The following SLC25A36 variants were observed in gnomAD, a reference collection of about 807,000 sequenced individuals.
SLC25A36 encodes epididymis secretory sperm binding protein.
A neutral mutation model predicts 35.3 loss-of-function variants in SLC25A36; 24 were observed. That is an observed-to-expected ratio of 0.68 (90% CI 0.49 to 0.96). The LOEUF is 0.96. Ranked by LOEUF, SLC25A36 falls within the 40% of genes least tolerant of loss-of-function variation. The pLI is 0.00. For missense variants in SLC25A36, 294 were observed against 381.1 expected, an observed-to-expected ratio of 0.77 and a Z score of 1.90; for synonymous variants, 141 against 132.2, an observed-to-expected ratio of 1.07 and a Z score of -0.46.
chr3:140,950,881 A>G lies in SLC25A36; in HGVS notation c.42-5646A>G, dbSNP rs143638326. On this transcript the variant is annotated intron_variant, in intron 1 of 6. Transcript: ENST00000324194. ...TCTGCCTAGGAATGTAGTTTTATCC[A>G]GCGTGTGTGTGTGTGTCTCTGTGTG... is the stretch of plus-strand genomic sequence containing the variant. 3.2e-3 allele frequency among the ~76,000 whole-genome samples: 472 copies of G among 146,268 alleles called. 2 individuals carry two copies. The highest frequency in any genetic ancestry group is 0.012 in the African/African-American group (442 of 36,768).
intron 1 of SLC25A36, among the ~76,000 whole-genome samples, chr3:140,944,921 A>G (rs898316577): frequency 2.6e-5 from 4 of 152,182 alleles, no homozygotes; most frequent in African/African-American, 9.7e-5. Flanking sequence ...TTAAAAGTAT[A>G]ATTAATGTGA....
chr3:140,945,223 A>G (rs1280394290), intron 1 of SLC25A36, among the ~76,000 whole-genome samples: 1 of 152,190 alleles, frequency 6.6e-6, no homozygotes, highest in Non-Finnish European at 1.5e-5. Context: ...TAAAGGTACT[A>G]ATCCCAAATG....
At chr3:140,960,245 A>G (rs965804180) in intron 3 of SLC25A36, among the ~76,000 whole-genome samples, 4 of 152,178 alleles carry the variant, frequency 2.6e-5, no homozygotes, top group Admixed American at 6.5e-5. Context: ...TACTCCTGAT[A>G]TTTTGAGATA....
intron 1 of SLC25A36, among the ~76,000 whole-genome samples, chr3:140,949,281 TAA>T (rs1313853652): frequency 1.3e-5 from 2 of 152,190 alleles, no homozygotes; most frequent in African/African-American, 4.8e-5. Flanking sequence ...AGTTAAACTC[TAA>T]AAAGTTTGGC....
chr3:140,963,954 A>G (rs926840639), intron 4 of SLC25A36: 2 of 152,000 alleles, frequency 1.3e-5, no homozygotes, highest in Admixed American at 6.5e-5. Flanking sequence ...ATTTGCTGCT[A>G]TGCATGTTAG....
At chr3:140,950,667 G>T (rs183315992) in intron 1 of SLC25A36, among the ~76,000 whole-genome samples, 93 of 152,288 alleles carry the variant, frequency 6.1e-4, no homozygotes, top group African/African-American at 2.2e-3. Context: ...TAAGTAATCT[G>T]CAGTTGTCGA....
chr3:140,974,867 G>T (rs1264447341), intron 6 of SLC25A36, among the ~76,000 whole-genome samples: 1 of 152,094 alleles, frequency 6.6e-6, no homozygotes, highest in African/African-American at 2.4e-5. Flanking sequence ...CTTTAACCAG[G>T]TTGGACTATG....
At chr3:140,964,102 A>G (rs528434723) in intron 4 of SLC25A36, 2 of 152,100 alleles carry the variant, frequency 1.3e-5, no homozygotes, top group Middle Eastern at 3.4e-3. Flanking sequence ...CTATTGATCA[A>G]TAAATTGAAT....
At chr3:140,951,840 T>C (rs926271491) in intron 1 of SLC25A36, among the ~76,000 whole-genome samples, 2 of 151,946 alleles carry the variant, frequency 1.3e-5, no homozygotes, top group African/African-American at 4.8e-5. Flanking sequence ...TTGTTGTTGT[T>C]GTCATTGTTT....
At chr3:140,953,103 A>G (rs750417866) in intron 1 of SLC25A36, among the ~76,000 whole-genome samples, 1 of 152,212 alleles carries the variant, frequency 6.6e-6, no homozygotes, top group Non-Finnish European at 1.5e-5. Context: ...TCTGAGTCCT[A>G]CATTGCATAT....
rs181249761 is a variant in SLC25A36 at position 140,958,045 on chromosome 3, T to A, written c.206+1354T>A. Among the ~76,000 whole-genome samples the A allele has an allele frequency of 2.7e-3, 411 of 152,262 alleles. 1 individual carries two copies. The highest frequency in any genetic ancestry group is 7.9e-3 in the African/African-American group (327 of 41,548). ...CCAGTAAAGGGGTACTGGTTTTTTT[T>A]ATTTACTGCTGATGAAACTGAGTAT... On this transcript the variant is annotated intron_variant, in intron 2 of 6. Coordinates refer to ENST00000324194, the MANE Select transcript of SLC25A36 (RefSeq NM_001104647.3).
chr3:140,952,563 T>G (rs943337443), intron 1 of SLC25A36, among the ~76,000 whole-genome samples: 6 of 152,252 alleles, frequency 3.9e-5, no homozygotes, highest in Non-Finnish European at 8.8e-5. Flanking sequence ...AATTTCATAG[T>G]TACCATTATC....
Position 140,963,128 on chromosome 3 carries a change from G to C in SLC25A36, c.286G>C (p.Ala96Pro). The change falls in exon 4 of 7, where the codon GCA (alanine) becomes CCA (proline). Residue 96 changes from alanine (A) to proline (P), a missense_variant and splice_region_variant. Ala to Pro is a conservative substitution (Grantham distance 27). Around this residue, in one of 2 missense-constraint regions of SLC25A36, gnomAD observed 185 missense variants for 201.5 expected, o/e 0.92. Coordinates refer to ENST00000324194, the MANE Select transcript of SLC25A36 (RefSeq NM_001104647.3). Reference protein sequence around the residue: ...PNLVGVAPSRAIYFAAYSNCK... With the variant: ...PNLVGVAPSRPIYFAAYSNCK... ...GATAAATCTAAATCTCTATTTTAGAGCAATATACTTTGCTGCTTATTCAAA... is the reference window on the plus strand; with the variant it reads ...GATAAATCTAAATCTCTATTTTAGACCAATATACTTTGCTGCTTATTCAAA... 6.4e-7 allele frequency: 1 copy of C among 1,562,672 alleles called. No individual in the cohort carries two copies. The highest frequency in any genetic ancestry group is 8.6e-7 in the Non-Finnish European group (1 of 1,157,788).
At chr3:140,954,133 C>A (rs1350477932) in intron 1 of SLC25A36, among the ~76,000 whole-genome samples, 3 of 152,098 alleles carry the variant, frequency 2.0e-5, no homozygotes, top group African/African-American at 7.2e-5. Context: ...AAAGTGTTTG[C>A]TTAACGAGGG....
intron 5 of SLC25A36, among the ~76,000 whole-genome samples, chr3:140,971,416 AC>A (rs1288435012): frequency 1.3e-5 from 2 of 152,076 alleles, no homozygotes; most frequent in East Asian, 3.8e-4. Context: ...TGAATAGAGA[AC>A]CCTAGGCTGA....
rs1935164404 is a variant in SLC25A36, at chr3:140,980,819, T to C, written c.*4366T>C. Among the ~76,000 whole-genome samples, 1 of 150,778 alleles carries C rather than the reference T, an allele frequency of 6.6e-6. No homozygotes were observed. The highest frequency in any genetic ancestry group is 1.5e-5 in the Non-Finnish European group (1 of 67,788). ...GGGTTCAAGCGATTCTGCCTCAGCC[T>C]GACTTCCCTTCTGTTTCTTTATTTT... On this transcript the variant is annotated 3_prime_UTR_variant, in exon 7 of 7. Transcript: ENST00000324194.
At chr3:140,950,283 G>C (rs889666669) in intron 1 of SLC25A36, among the ~76,000 whole-genome samples, 20 of 88,288 alleles carry the variant, frequency 2.3e-4, no homozygotes, top group African/African-American at 8.4e-4. Flanking sequence ...GTTAATAATT[G>C]CCTCCATTAA....
At chr3:140,971,177 G>C (rs777491679) in intron 5 of SLC25A36, among the ~76,000 whole-genome samples, 184 bp downstream of exon 5, 1 of 152,038 alleles carries the variant, frequency 6.6e-6, no homozygotes, top group Non-Finnish European at 1.5e-5. Context: ...GGTGAAAAAA[G>C]TATATTATTA....
rs943986575 is a variant in SLC25A36, at chr3:140,977,991, C to A, written c.*1538C>A. ...CAGAAACAGTGTTCATAACATTTTT[C>A]TGGGTTTTAAATATGTTGTTTCGGA... On this transcript the variant is annotated 3_prime_UTR_variant, in exon 7 of 7. Coordinates refer to ENST00000324194, the MANE Select transcript of SLC25A36 (RefSeq NM_001104647.3). 1 of 151,098 alleles carries A rather than the reference C, an allele frequency of 6.6e-6. No individual in the cohort carries two copies. The highest frequency in any genetic ancestry group is 2.4e-5 in the African/African-American group (1 of 41,110). 9.4% of individuals were successfully genotyped at this position (151,098 alleles called of 1,614,324 possible). A position where few individuals can be genotyped will look rare whatever the true frequency, so the allele number is the denominator to read the frequency against.
Sources: gnomAD v4.1 joint callset for allele counts (sites outside exome capture counted in the v4.1 genomes callset) on GRCh38, gnomAD v4.1.1 for gene constraint, gnomAD v4.1.1 regional missense constraint, MANE v1.5 for transcripts, NCBI Gene and HGNC (gene_info 2026-07-23, HGNC 2026-07-21) for gene names.